MAN2A2: variants seen among roughly 807,000 people sequenced by gnomAD.
MAN2A2 encodes the protein alpha-mannosidase 2x.
In MAN2A2, 79 loss-of-function variants were observed where a neutral mutation model predicts 126.8. That is an observed-to-expected ratio of 0.62 (90% CI 0.52 to 0.75). MAN2A2 has a LOEUF of 0.75. MAN2A2 is among the 30% of genes least tolerant of loss of function. MAN2A2 has a pLI of 0.00. For missense variants in MAN2A2, 1,392 were observed against 1,522.4 expected, an observed-to-expected ratio of 0.91 and a Z score of 1.43; for synonymous variants, 671 against 618.7, an observed-to-expected ratio of 1.08 and a Z score of -1.25.
chr15:90,913,626 C>T lies in MAN2A2; in HGVS notation c.2731C>T (p.Arg911Trp), dbSNP rs535498138. Residue 911 changes from arginine (R) to tryptophan (W), a missense_variant, in exon 19 of 23, where the codon CGG becomes TGG. By Grantham distance (101) the Arg-to-Trp change is moderately radical (BLOSUM62 -3). Coordinates refer to ENST00000559717, the MANE Select transcript of MAN2A2 (RefSeq NM_006122.4). ...CTTGCCCCCACAGGTGCAGCCCCGACGGTATCTGAAGAAGCTCCCCCTCCA... is the reference window on the plus strand; with the variant it reads ...CTTGCCCCCACAGGTGCAGCCCCGATGGTATCTGAAGAAGCTCCCCCTCCA... ...DLNGFQVQPR[R>W]YLKKLPLQAN... 11 of 1,612,234 alleles carry T rather than the reference C, an allele frequency of 6.8e-6. No homozygotes were observed. The highest frequency in any genetic ancestry group is 2.2e-5 in the South Asian group (2 of 90,694).
In MAN2A2 at chr15:90,911,182, C is replaced by G. The variant is rs747371839; in HGVS notation, c.1887C>G (p.Arg629=). ...EAPFLQVDDT[R]LSHDALPERT... ...TCACTGAATTCCAGGATGACACTCG[C>G]TTAAGTCACGACGCCCTCCCAGAGC... Residue 629 remains arginine, a synonymous_variant, in exon 13 of 23, where the codon CGC becomes CGG. Coordinates refer to ENST00000559717, the MANE Select transcript of MAN2A2 (RefSeq NM_006122.4). 1 of 1,613,922 alleles carries G rather than the reference C, an allele frequency of 6.2e-7. No individual in the cohort carries two copies. The highest frequency in any genetic ancestry group is 8.5e-7 in the Non-Finnish European group (1 of 1,179,976).
At position 90,911,478 on chromosome 15, in the gene MAN2A2, G is replaced by A; in HGVS notation, c.2037G>A (p.Glu679=). The A allele has an allele frequency of 6.2e-7, 1 of 1,614,196 alleles. No homozygotes were observed. The highest frequency in any genetic ancestry group is 8.5e-7 in the Non-Finnish European group (1 of 1,180,044). The change falls in exon 14 of 23, where the codon GAG becomes GAA. Residue 679 remains glutamate, a synonymous_variant. Coordinates refer to ENST00000559717, the MANE Select transcript of MAN2A2 (RefSeq NM_006122.4). ...CCCGCGTGCGTGTCCTTTCGGAGGA[G>A]GGTCAGCCCCTGGCCGTGCAGATCA... The part of the protein sequence containing the change: ...NSPRVRVLSE[E]GQPLAVQISA...
chr15:90,915,007 C>T (rs748071538), intron 19 of MAN2A2, among the ~76,000 whole-genome samples: 14 of 152,294 alleles, frequency 9.2e-5, no homozygotes, highest in Non-Finnish European at 1.6e-4. Context: ...AGGGCTGAGC[C>T]GAGAGCACCC....
intron 18 of MAN2A2, 87 bp downstream of exon 18, chr15:90,913,493 C>A (rs2034931628): frequency 1.3e-6 from 2 of 1,572,828 alleles, no homozygotes; most frequent in East Asian, 4.5e-5. Context: ...GGGGGATGAT[C>A]TGCCCTGATG....
intron 21 of MAN2A2, 31 bp downstream of exon 21, chr15:90,918,419 G>T (rs778055088): frequency 2.7e-5 from 43 of 1,599,452 alleles, no homozygotes; most frequent in Non-Finnish European, 3.7e-5. Context: ...CATGCTGAGA[G>T]CAGAGTTCTG....
At chr15:90,910,715 C>T (rs774216866) in intron 11 of MAN2A2, 32 bp downstream of exon 11, 28 of 1,611,252 alleles carry the variant, frequency 1.7e-5, no homozygotes, top group East Asian at 1.1e-4. Flanking sequence ...TTGTAAGCTC[C>T]CCTGCTCACT....
In MAN2A2 at chr15:90,905,705, C is replaced by T. The variant is rs889286322; in HGVS notation, c.517C>T (p.His173Tyr). ...AGACCTGCAGGTGTTTGTGGTGCCC[C>T]ACTCTCACAATGACCCAGGTGAGGG... is the stretch of plus-strand genomic sequence containing the variant. ...AEDLQVFVVP[H>Y]SHNDPGWIKT... The change falls in exon 4 of 23, where the codon CAC becomes TAC. Residue 173 changes from histidine (H) to tyrosine (Y), a missense_variant. Transcript: ENST00000559717. 2 of 1,614,020 alleles carry T rather than the reference C, an allele frequency of 1.2e-6. No homozygotes were observed. Among genetic ancestry groups the T allele is most frequent in the South Asian group, 1.1e-5 (1 of 91,066 alleles).
chr15:90,918,734 C>T lies in MAN2A2; in HGVS notation c.3279C>T (p.Asn1093=), dbSNP rs750606562. ...CGLEAKNLGF[N]CTTSQGKVAL... The stretch of plus-strand genomic sequence containing the variant: ...TGGAGGCCAAGAACTTGGGCTTCAA[C>T]TGCACCACAAGCCAAGGCAAGGTGA... The change falls in exon 22 of 23, where the codon AAC becomes AAT. Residue 1093 remains asparagine (N), a synonymous_variant. Transcript: ENST00000559717. The T allele has an allele frequency of 6.6e-7, 1 of 1,521,418 alleles. No homozygotes were observed. Among genetic ancestry groups the T allele is most frequent in the African/African-American group, 1.4e-5 (1 of 72,770 alleles). 94.2% of individuals were successfully genotyped at this position (1,521,418 alleles called of 1,614,324 possible). A position where few individuals can be genotyped will look rare whatever the true frequency, so the allele number is the denominator to read the frequency against.
At chr15:90,907,533 G>A (rs540738749) in intron 8 of MAN2A2, 38 bp downstream of exon 8, 61 of 1,584,138 alleles carry the variant, frequency 3.9e-5, no homozygotes, top group Non-Finnish European at 4.5e-5. Context: ...CAGAGGAATC[G>A]GGAGGCCTGG....
At chr15:90,909,293 T>C in intron 8 of MAN2A2, 34 bp from the exon 9 acceptor site, 2 of 1,587,184 alleles carry the variant, frequency 1.3e-6, no homozygotes, top group Non-Finnish European at 1.7e-6. Context: ...TGATGAGACT[T>C]CGTGGTGGGC....
intron 2 of MAN2A2, among the ~76,000 whole-genome samples, chr15:90,904,997 G>A (rs2034151976): frequency 6.6e-6 from 1 of 152,216 alleles, no homozygotes; most frequent in South Asian, 2.1e-4. Flanking sequence ...TTGAGAATAG[G>A]TAGGTGAAAG....
intron 20 of MAN2A2, 102 bp downstream of exon 20, chr15:90,916,358 AAGAG>A (rs1316870423): frequency 2.4e-5 from 35 of 1,447,650 alleles, no homozygotes; most frequent in Non-Finnish European, 3.1e-5. Flanking sequence ...GGAGGTGGGC[AAGAG>A]AGAGAGAGTA....
rs1295833870 is a variant in MAN2A2, at chr15:90,920,782, C to G, written c.*995C>G. On this transcript the variant is annotated 3_prime_UTR_variant, in exon 23 of 23. Transcript: ENST00000559717. ...AGTCTATCTGCAGAGGTATTCAGTTCCTGGCACAGGGGACTAGGGGCATGT... is the reference window on the plus strand; with the variant it reads ...AGTCTATCTGCAGAGGTATTCAGTTGCTGGCACAGGGGACTAGGGGCATGT... 1 of 152,206 alleles carries G rather than the reference C, an allele frequency of 6.6e-6. No individual in the cohort carries two copies. Among genetic ancestry groups the G allele is most frequent in the African/African-American group, 2.4e-5 (1 of 41,436 alleles). The allele number at this position is 152,206 out of a possible 1,614,324, so 9.4% of individuals were successfully genotyped here. A position where few individuals can be genotyped will look rare whatever the true frequency, so the allele number is the denominator to read the frequency against.
At position 90,919,679 on chromosome 15, in the gene MAN2A2, T is replaced by G; in HGVS notation, c.3345T>G (p.Leu1115=). 2 of 1,614,206 alleles carry G rather than the reference T, an allele frequency of 1.2e-6. No homozygotes were observed. The highest frequency in any genetic ancestry group is 1.7e-6 in the Non-Finnish European group (2 of 1,180,022). ...TCCATGGCCTGGATGTGGTATTCCT[T>G]CAGCCAACCTCCTTGACGTTACTGT... ...SLFHGLDVVF[L]QPTSLTLLYP... The change falls in exon 23 of 23, where the codon CTT becomes CTG. Residue 1115 remains leucine (L), a synonymous_variant. Transcript: ENST00000559717.
chr15:90,918,634 CTG>C lies in MAN2A2; in HGVS notation c.3190-9_3190-8del, dbSNP rs1375945184. On this transcript the variant is annotated splice_polypyrimidine_tract_variant and intron_variant, in intron 21 of 22. Coordinates refer to ENST00000559717, the MANE Select transcript of MAN2A2 (RefSeq NM_006122.4). ...CTGCGCCCACTTCCCTGGGCACTGT[CTG>C]TCATCCAGGAGGACACCCTACCCTC... 5 of 1,500,964 alleles carry C rather than the reference CTG, an allele frequency of 3.3e-6. No homozygotes were observed. Among genetic ancestry groups the C allele is most frequent in the Non-Finnish European group, 4.6e-6 (5 of 1,078,596 alleles). 93.0% of individuals were successfully genotyped at this position (1,500,964 alleles called of 1,614,324 possible). A position where few individuals can be genotyped will look rare whatever the true frequency, so the allele number is the denominator to read the frequency against.
chr15:90,907,272 G>A, intron 7 of MAN2A2, 37 bp from the exon 8 acceptor site: 3 of 1,595,874 alleles, frequency 1.9e-6, no homozygotes, highest in East Asian at 2.2e-5. Context: ...TCCAGAGGCT[G>A]CCTGCTGGTG....
At position 90,912,600 on chromosome 15, in the gene MAN2A2, A is replaced by C; in HGVS notation, c.2405A>C (p.Tyr802Ser). The part of the protein sequence containing the change: ...EQQVDMQVLV[Y>S]GTRTSKDKSG... Reference sequence around the variant, plus strand: ...CAGGTGGACATGCAGGTCCTTGTCTATGGCACCCGTACGTCCAAAGACAAG... The same window carrying C: ...CAGGTGGACATGCAGGTCCTTGTCTCTGGCACCCGTACGTCCAAAGACAAG... Residue 802 changes from tyrosine to serine, a missense_variant, in exon 16 of 23, where the codon TAT becomes TCT. Coordinates refer to ENST00000559717, the MANE Select transcript of MAN2A2 (RefSeq NM_006122.4). 1 of 1,614,160 alleles carries C rather than the reference A, an allele frequency of 6.2e-7. No individual in the cohort carries two copies. Among genetic ancestry groups the C allele is most frequent in the Non-Finnish European group, 8.5e-7 (1 of 1,180,010 alleles).
chr15:90,916,441 T>C, intron 20 of MAN2A2, 185 bp downstream of exon 20: 1 of 1,078,320 alleles, frequency 9.3e-7, no homozygotes, highest in Non-Finnish European at 1.3e-6. Context: ...GCCTGGCACC[T>C]TCCTCTCCCA....
rs2034612900 is a variant in MAN2A2, at chr15:90,910,199, C to T, written c.1484C>T (p.Ser495Phe). The change falls in exon 10 of 23, where the codon TCC (serine) becomes TTC (phenylalanine). Residue 495 changes from serine to phenylalanine, a missense_variant. By Grantham distance (155) the Ser-to-Phe change is radical. Coordinates refer to ENST00000559717, the MANE Select transcript of MAN2A2 (RefSeq NM_006122.4). ...CCTGTGCTGAGCGGGGATTTCTTCT[C>T]CTATGCGGACCGGGAGGATCATTAC... ...GFPVLSGDFF[S>F]YADREDHYWT... is the part of the protein sequence containing the mutation. 3.1e-6 allele frequency: 5 copies of T among 1,614,200 alleles called. No individual in the cohort carries two copies. In the East Asian group the frequency reaches 1.1e-4, roughly 36 times the overall value.
Sources: gnomAD v4.1 joint callset for allele counts (sites outside exome capture counted in the v4.1 genomes callset) on GRCh38, gnomAD v4.1.1 for gene constraint, MANE v1.5 for transcripts, NCBI Gene and HGNC (gene_info 2026-07-23, HGNC 2026-07-21) for gene names.